The following SLC4A4 variants were observed in gnomAD, a reference collection of about 807,000 sequenced individuals.
SLC4A4 encodes the protein solute carrier family 4 member 4.
A neutral mutation model predicts 111.5 loss-of-function variants in SLC4A4; 27 were observed. That is an observed-to-expected ratio of 0.24 (90% CI 0.18 to 0.33). SLC4A4 has a LOEUF of 0.33. Ranked by LOEUF, SLC4A4 falls within the 10% of genes least tolerant of loss-of-function variation. The pLI is 1.00. For missense variants in SLC4A4, 909 were observed against 1,315.5 expected (o/e 0.69, Z 4.78); for synonymous variants, 443 against 463.4 (o/e 0.96, Z 0.57).
At chr4:71,358,922 T>C (rs1730518396) in intron 6 of SLC4A4, among the ~76,000 whole-genome samples, 1 of 152,242 alleles carries the variant, frequency 6.6e-6, no homozygotes, top group Admixed American at 6.5e-5. Context: ...TATTTGCTGA[T>C]TTAATTCGTT....
At chr4:71,354,624 A>G (rs1446903159) in intron 5 of SLC4A4, among the ~76,000 whole-genome samples, 1 of 152,104 alleles carries the variant, frequency 6.6e-6, no homozygotes, top group African/African-American at 2.4e-5. Context: ...ATCTTTGTCC[A>G]TTCTTCTGTC....
At chr4:71,536,906 T>C (rs1378318973) in intron 18 of SLC4A4, among the ~76,000 whole-genome samples, 1 of 151,806 alleles carries the variant, frequency 6.6e-6, no homozygotes, top group Non-Finnish European at 1.5e-5. Context: ...TGTGTATGTG[T>C]ATATATACAC....
intron 6 of SLC4A4, among the ~76,000 whole-genome samples, chr4:71,358,134 G>A (rs148911264): frequency 0.026 from 4,017 of 152,132 alleles, 94 homozygotes; most frequent in Non-Finnish European, 0.039. Flanking sequence ...CTAACATGGC[G>A]AAACCCCATC....
At chr4:71,364,661 C>T (rs2148923419) in intron 6 of SLC4A4, among the ~76,000 whole-genome samples, 1 of 152,234 alleles carries the variant, frequency 6.6e-6, no homozygotes, top group Non-Finnish European at 1.5e-5. Flanking sequence ...GACTTAATCA[C>T]TTTACAAAGG....
chr4:71,518,336 G>A (rs761044719), intron 16 of SLC4A4, among the ~76,000 whole-genome samples: 14 of 152,154 alleles, frequency 9.2e-5, no homozygotes, highest in Non-Finnish European at 1.5e-4. Context: ...ATCTGCTGGA[G>A]TGTGGGGCTT....
chr4:71,319,870 A>T (rs1726981267), intron 3 of SLC4A4, among the ~76,000 whole-genome samples: 1 of 151,980 alleles, frequency 6.6e-6, no homozygotes, highest in Admixed American at 6.6e-5. Flanking sequence ...TTCTGGTCTT[A>T]TAATTCGGAT....
chr4:71,473,566 A>G (rs1034040850), intron 14 of SLC4A4, among the ~76,000 whole-genome samples: 1 of 151,930 alleles, frequency 6.6e-6, no homozygotes, highest in African/African-American at 2.4e-5. Flanking sequence ...GTGATGTTCT[A>G]GGAGTAGATT....
chr4:71,092,723 T>C (rs71599984), intron 1 of SLC4A4, among the ~76,000 whole-genome samples: 13,950 of 152,276 alleles, frequency 0.092, 791 homozygotes, highest in African/African-American at 0.16. Context: ...TATTTTTCTT[T>C]TTACAGATAC....
At chr4:71,451,339 C>A in intron 11 of SLC4A4, 38 bp downstream of exon 11, 2 of 1,266,956 alleles carry the variant, frequency 1.6e-6, no homozygotes, top group Non-Finnish European at 2.3e-6. Context: ...TGATGAGGTT[C>A]TCCTTAAATG....
chr4:71,415,448 T>A (rs1721748783), intron 7 of SLC4A4, among the ~76,000 whole-genome samples: 1 of 152,328 alleles, frequency 6.6e-6, no homozygotes, highest in Middle Eastern at 3.4e-3. Flanking sequence ...CTAGGAGCTT[T>A]TACCTATATC....
intron 3 of SLC4A4, among the ~76,000 whole-genome samples, chr4:71,264,999 A>G (rs1040390514): frequency 6.6e-6 from 1 of 152,208 alleles, no homozygotes; most frequent in African/African-American, 2.4e-5. Flanking sequence ...GCATGCTCCA[A>G]CCACACTTGG....
chr4:71,278,999 A>G (rs866115366), intron 3 of SLC4A4, among the ~76,000 whole-genome samples: 4 of 152,160 alleles, frequency 2.6e-5, no homozygotes, highest in Non-Finnish European at 4.4e-5. Flanking sequence ...TGATATTTTG[A>G]TTAATGTATA....
Position 71,358,041 on chromosome 4 carries a change from G to T in SLC4A4, c.730+854G>T, listed in dbSNP as rs528428161. ...AGTGTTAAGAGAGATGAGGCCGGGCGCGGTGGCTCATGCCTGTAATCCCAG... is the reference window on the plus strand; with the variant it reads ...AGTGTTAAGAGAGATGAGGCCGGGCTCGGTGGCTCATGCCTGTAATCCCAG... On this transcript the variant is annotated intron_variant, in intron 6 of 25. Transcript: ENST00000264485. Among the ~76,000 whole-genome samples the T allele has an allele frequency of 2.8e-4, 42 of 152,274 alleles. No individual in the cohort carries two copies. The East Asian group carries it at 7.9e-3, about 29-fold the overall frequency.
chr4:71,536,808 CT>C (rs1734545255), intron 18 of SLC4A4, among the ~76,000 whole-genome samples: 1 of 151,588 alleles, frequency 6.6e-6, no homozygotes, highest in African/African-American at 2.4e-5. Context: ...TAAGCATATT[CT>C]TCTGTCTTCT....
chr4:71,522,296 T>C (rs986098131), intron 16 of SLC4A4, among the ~76,000 whole-genome samples: 9 of 152,202 alleles, frequency 5.9e-5, no homozygotes, highest in Admixed American at 5.2e-4. Flanking sequence ...ATCTGTGATT[T>C]TCTGTGGCAG....
chr4:71,464,269 A>G (rs1356800005), intron 12 of SLC4A4, among the ~76,000 whole-genome samples: 1 of 152,192 alleles, frequency 6.6e-6, no homozygotes, highest in Admixed American at 6.5e-5. Context: ...GTTGTGTCAC[A>G]TTGAATGTGA....
chr4:71,445,067 A>G (rs996597115), intron 8 of SLC4A4, among the ~76,000 whole-genome samples: 8 of 152,198 alleles, frequency 5.3e-5, no homozygotes, highest in Admixed American at 3.9e-4. Context: ...TACTACTTTT[A>G]TATCTGTGTT....
At position 71,092,580 on chromosome 4, in the gene SLC4A4, T is replaced by G. The variant is rs375266528; in HGVS notation, c.-64-150T>G. ...CATCAGAAAAAACACTGCAAAAACCTAAAAACAGAATGCTGAGAATAGAAC... is the reference window on the plus strand; with the variant it reads ...CATCAGAAAAAACACTGCAAAAACCGAAAAACAGAATGCTGAGAATAGAAC... On this transcript the variant is annotated intron_variant, in intron 1 of 26. Transcript: ENST00000649996. Among the ~76,000 whole-genome samples the G allele has an allele frequency of 8.5e-5, 13 of 152,240 alleles. No homozygotes were observed. In the East Asian group the frequency reaches 1.5e-3, roughly 18 times the overall value.
intron 3 of SLC4A4, among the ~76,000 whole-genome samples, chr4:71,334,594 G>A (rs372354166): frequency 1.3e-5 from 2 of 152,238 alleles, no homozygotes; most frequent in East Asian, 3.9e-4. Flanking sequence ...TCCAGGAGTT[G>A]CAAACTAGTT....
Sources: allele counts gnomAD v4.1 joint callset (sites outside exome capture counted in the v4.1 genomes callset), GRCh38; gene constraint gnomAD v4.1.1; transcripts MANE v1.5; gene names NCBI Gene and HGNC (gene_info 2026-07-23, HGNC 2026-07-21).